The following LTF variants were observed in gnomAD, a reference collection of about 807,000 sequenced individuals.
LTF encodes epididymis luminal protein 110.
In LTF, 91 loss-of-function variants were observed where a neutral mutation model predicts 87.2. The observed-to-expected ratio is 1.04, with a 90% CI of 0.88 to 1.24. The LOEUF (loss-of-function observed/expected upper bound fraction) is 1.24, where lower values mean the gene tolerates loss of function less well. Ranked by LOEUF, LTF falls within the 50% of genes most tolerant of loss-of-function variation. The probability of loss-of-function intolerance (pLI) is 0.00; values close to 1 mark genes in which losing one functional copy is unlikely to be tolerated. For missense variants in LTF, 901 were observed against 904.3 expected, an observed-to-expected ratio of 1.00 and a Z score of 0.05; for synonymous variants, 378 against 356.1, an observed-to-expected ratio of 1.06 and a Z score of -0.69.
At position 46,439,412 on chromosome 3, in the gene LTF, T is replaced by C; in HGVS notation, c.1792A>G (p.Lys598Glu). The C allele has an allele frequency of 6.2e-7, 1 of 1,614,256 alleles. No homozygotes were observed. Among genetic ancestry groups the C allele is most frequent in the Non-Finnish European group, 8.5e-7 (1 of 1,180,042 alleles). ...CTAGCCTCAGTCACAGGCTTCCGTT[T>C]GCCATCGAGGCACAGCAGCGCAAAG... is the stretch of plus-strand genomic sequence containing the variant. The part of the protein sequence containing the change: ...ADFALLCLDG[K>E]RKPVTEARSC... Residue 598 changes from lysine (K) to glutamate (E), a missense_variant, in exon 15 of 17, where the codon AAA becomes GAA. By Grantham distance (56) the Lys-to-Glu change is moderately conservative (BLOSUM62 1). Transcript: ENST00000231751.
At chr3:46,456,882 T>C (rs902204625) in intron 2 of LTF, among the ~76,000 whole-genome samples, 1 of 152,226 alleles carries the variant, frequency 6.6e-6, no homozygotes, top group South Asian at 2.1e-4. Flanking sequence ...GGTCCCCAAC[T>C]TTTTTGCCAC....
intron 1 of LTF, among the ~76,000 whole-genome samples, chr3:46,471,252 C>T (rs966817286): frequency 6.6e-6 from 1 of 152,186 alleles, no homozygotes; most frequent in African/African-American, 2.4e-5. Context: ...TGTCTCTGTC[C>T]TAATCCCTGC....
chr3:46,478,065 C>T (rs1032999146), intron 1 of LTF, among the ~76,000 whole-genome samples: 2 of 152,172 alleles, frequency 1.3e-5, no homozygotes, highest in African/African-American at 4.8e-5. Context: ...CTCTCCACAC[C>T]CACACTCCTT....
chr3:46,447,633 C>T (rs2239693), intron 9 of LTF, among the ~76,000 whole-genome samples: 12,453 of 152,262 alleles, frequency 0.082, 778 homozygotes, highest in African/African-American at 0.16. Context: ...ACAGGTTGCA[C>T]TAATCCTCTG....
At chr3:46,473,896 T>C (rs1424900887) in intron 1 of LTF, among the ~76,000 whole-genome samples, 1 of 152,180 alleles carries the variant, frequency 6.6e-6, no homozygotes. Flanking sequence ...ACCACTCCAG[T>C]AGGCTGTGAT....
At chr3:46,457,266 C>G (rs1414341012) in intron 2 of LTF, among the ~76,000 whole-genome samples, 1 of 152,200 alleles carries the variant, frequency 6.6e-6, no homozygotes, top group African/African-American at 2.4e-5. Flanking sequence ...TTCTGCAGAG[C>G]CTTTACTGAT....
rs188531064 is a variant in LTF, at chr3:46,439,325, G to T, written c.1879C>A (p.Arg627Ser). Residue 627 changes from arginine (R) to serine (S), a missense_variant, in exon 15 of 17, where the codon CGC becomes AGC. Arg to Ser is a moderately radical substitution (Grantham distance 110). Coordinates refer to ENST00000231751, the MANE Select transcript of LTF (RefSeq NM_002343.6). ...AVVSRMDKVE[R>S]LKQVLLHQQA... ...TGGTGGAGCAACACCTGTTTCAGGC[G>T]TTCCACCTTATCCATCCGAGACACC... 1.9e-6 allele frequency: 3 copies of T among 1,613,570 alleles called. No individual in the cohort carries two copies. The highest frequency in any genetic ancestry group is 2.5e-6 in the Non-Finnish European group (3 of 1,179,800).
In LTF at chr3:46,462,674, ACT is replaced by A. The variant is rs35979609; in HGVS notation, c.43+2149_43+2150del. On this transcript the variant is annotated intron_variant, in intron 1 of 16. Transcript: ENST00000231751. ...GCAGTGAAGCTGTGACTCACGGGAGACTCTCCCTAGGGCAGGGGCAGAGTGAA... is the reference window on the plus strand; with the variant it reads ...GCAGTGAAGCTGTGACTCACGGGAGACTCCCTAGGGCAGGGGCAGAGTGAA... Among the ~76,000 whole-genome samples the A allele has an allele frequency of 9.5e-4, 144 of 151,796 alleles. 1 individual carries two copies. The East Asian group carries it at 0.027, about 28-fold the overall frequency.
chr3:46,455,489 T>C (rs1468432481), intron 4 of LTF, 47 bp from the exon 5 acceptor site: 1 of 1,611,908 alleles, frequency 6.2e-7, no homozygotes, highest in Non-Finnish European at 8.5e-7. Flanking sequence ...CCAGCCCTGG[T>C]CACAGCAGGT....
intron 1 of LTF, among the ~76,000 whole-genome samples, chr3:46,471,113 G>A (rs569966258): frequency 1.7e-4 from 26 of 152,282 alleles, no homozygotes; most frequent in African/African-American, 6.0e-4. Context: ...GCTGCGGGGA[G>A]TTTTGAGAGT....
At chr3:46,454,417 T>C (rs551187755) in intron 5 of LTF, 57 bp from the exon 6 acceptor site, 11 of 1,391,004 alleles carry the variant, frequency 7.9e-6, no homozygotes, top group Non-Finnish European at 4.1e-6. Context: ...AGCCCCTCCC[T>C]GTGGAACAGT....
intron 4 of LTF, 112 bp downstream of exon 4, chr3:46,455,683 AC>A (rs769548968): frequency 3.0e-5 from 39 of 1,304,688 alleles, no homozygotes; most frequent in Non-Finnish European, 4.0e-5. Context: ...GGCCAGCCTC[AC>A]CCCCACCTTG....
At chr3:46,442,042 G>A (rs138678034) in intron 13 of LTF, 1 of 150,356 alleles carries the variant, frequency 6.7e-6, no homozygotes, top group African/African-American at 2.5e-5. Context: ...GGATGAGATA[G>A]TGATGTGTTT....
At chr3:46,436,765 T>C (rs1203078058) in intron 16 of LTF, among the ~76,000 whole-genome samples, 1 of 152,252 alleles carries the variant, frequency 6.6e-6, no homozygotes, top group Non-Finnish European at 1.5e-5. Context: ...AGGGTGGTCC[T>C]GACCTGCATC....
At chr3:46,437,167 C>T (rs1254858333) in intron 16 of LTF, among the ~76,000 whole-genome samples, 1 of 152,164 alleles carries the variant, frequency 6.6e-6, no homozygotes, top group Non-Finnish European at 1.5e-5. Flanking sequence ...CACCGGGAGC[C>T]TTACAATACT....
upstream of LTF, among the ~76,000 whole-genome samples, chr3:46,467,323 G>A (rs984526353): frequency 1.3e-5 from 2 of 152,144 alleles, no homozygotes; most frequent in Non-Finnish European, 2.9e-5. Context: ...CTATGGGGGA[G>A]GGACAGTCAC....
chr3:46,483,951 A>G (rs1457104580), intron 1 of LTF, among the ~76,000 whole-genome samples: 2 of 152,108 alleles, frequency 1.3e-5, no homozygotes, highest in Admixed American at 1.3e-4. Flanking sequence ...CCAAAAGTTT[A>G]TTTTTAAAAG....
chr3:46,438,078 G>A lies in LTF; in HGVS notation c.1960C>T (p.Gln654Ter), dbSNP rs1481981144. ...SDCPDKFCLFQSETKNLLFND... is the reference protein window; with the variant it reads ...SDCPDKFCLF ...AACAGAAGGTTTTTGGTTTCAGACT[G>A]GAATAAGCAAAACTTGTCCGGGCAG... is the stretch of plus-strand genomic sequence containing the variant. Residue 654 changes from glutamine to a stop codon, truncating the protein, a stop_gained, in exon 16 of 17, where the codon CAG becomes TAG. Transcript: ENST00000231751. LOFTEE classifies it high-confidence loss of function. The A allele has an allele frequency of 6.2e-7, 1 of 1,613,812 alleles. No homozygotes were observed. Among genetic ancestry groups the A allele is most frequent in the Non-Finnish European group, 8.5e-7 (1 of 1,179,946 alleles).
rs549723830 is a variant in LTF, at chr3:46,452,185, G to A, written c.704-1512C>T. The stretch of plus-strand genomic sequence containing the variant: ...CTCAGAGGAGTAACAAGTTATAAGA[G>A]CAACCTACAAAAATCAGATGTTATC... On this transcript the variant is annotated intron_variant, in intron 6 of 16. Transcript: ENST00000231751. Among the ~76,000 whole-genome samples, 48 of 152,196 alleles carry A rather than the reference G, an allele frequency of 3.2e-4. 2 individuals carry two copies. Among genetic ancestry groups the A allele is most frequent in the African/African-American group, 5.5e-4 (23 of 41,518 alleles).
Sources: allele counts gnomAD v4.1 joint callset (sites outside exome capture counted in the v4.1 genomes callset), GRCh38; gene constraint gnomAD v4.1.1; transcripts MANE v1.5; gene names NCBI Gene and HGNC (gene_info 2026-07-23, HGNC 2026-07-21).